KCNH1: variants seen among roughly 807,000 people sequenced by gnomAD.
The protein encoded by KCNH1 is potassium voltage-gated channel subfamily H member 1.
A neutral mutation model predicts 69.2 loss-of-function variants in KCNH1; 27 were observed. The ratio of observed to expected loss-of-function variants is 0.39; its 90% CI spans 0.29 to 0.54. The LOEUF (loss-of-function observed/expected upper bound fraction) is 0.54, where lower values mean the gene tolerates loss of function less well. Among genes scored for constraint, KCNH1 ranks in the 20% least tolerant of loss-of-function variants. The pLI is 0.68. For missense variants in KCNH1, 798 were observed against 1,261.6 expected (o/e 0.63, Z 5.57); for synonymous variants, 456 against 487.7 (o/e 0.93, Z 0.86).
chr1:210,698,835 G>C (rs12741206), intron 10 of KCNH1, among the ~76,000 whole-genome samples: 5,977 of 152,322 alleles, frequency 0.039, 188 homozygotes, highest in Middle Eastern at 0.065. Context: ...TCTGCCACCA[G>C]AGCCTGAGGG....
At chr1:211,078,553 A>T (rs996513311) in intron 5 of KCNH1, among the ~76,000 whole-genome samples, 1 of 152,210 alleles carries the variant, frequency 6.6e-6, no homozygotes, top group Non-Finnish European at 1.5e-5. Context: ...AGAAATAAAG[A>T]TGTTCTTTGA....
intron 6 of KCNH1, among the ~76,000 whole-genome samples, chr1:210,981,675 T>C (rs1688713015): frequency 6.6e-6 from 1 of 152,194 alleles, no homozygotes; most frequent in South Asian, 2.1e-4. Flanking sequence ...CCATCTGTAC[T>C]GTCAAATGAA....
intron 7 of KCNH1, among the ~76,000 whole-genome samples, chr1:210,832,674 G>A (rs985473281): frequency 6.6e-6 from 1 of 151,992 alleles, no homozygotes; most frequent in Admixed American, 6.6e-5. Context: ...TTCTTTCAGA[G>A]ATCACAAATG....
At chr1:210,891,916 C>A (rs1390832424) in intron 7 of KCNH1, among the ~76,000 whole-genome samples, 1 of 152,094 alleles carries the variant, frequency 6.6e-6, no homozygotes. Flanking sequence ...TTTGCAGGGA[C>A]AGGGATGAAG....
At chr1:211,049,019 A>G (rs1690143964) in intron 5 of KCNH1, among the ~76,000 whole-genome samples, 1 of 152,140 alleles carries the variant, frequency 6.6e-6, no homozygotes, top group Non-Finnish European at 1.5e-5. Context: ...GGAGACTGAT[A>G]AAGTTCATTT....
At chr1:211,097,024 GGA>G (rs1292193936) in intron 3 of KCNH1, among the ~76,000 whole-genome samples, 2 of 152,088 alleles carry the variant, frequency 1.3e-5, no homozygotes, top group Non-Finnish European at 2.9e-5. Flanking sequence ...TCAAATGTGG[GGA>G]ACCCAAGTAG....
At chr1:210,773,305 G>T (rs1411097011) in intron 10 of KCNH1, among the ~76,000 whole-genome samples, 1 of 152,162 alleles carries the variant, frequency 6.6e-6, no homozygotes, top group African/African-American at 2.4e-5. Flanking sequence ...AAACCATCTT[G>T]CCACAATCTT....
chr1:211,106,647 T>A (rs1199335206), intron 2 of KCNH1, among the ~76,000 whole-genome samples: 2 of 82,676 alleles, frequency 2.4e-5, no homozygotes, highest in Admixed American at 1.2e-4. Context: ...AAAAAAAAAT[T>A]AGCCAGGTGT....
intron 7 of KCNH1, among the ~76,000 whole-genome samples, chr1:210,854,554 C>A (rs1250583909): frequency 6.6e-6 from 1 of 152,160 alleles, no homozygotes; most frequent in Non-Finnish European, 1.5e-5. Context: ...GAGCTTATGT[C>A]TGAAAGGTCT....
Position 210,683,490 on chromosome 1 carries a change from T to G in KCNH1, c.2761A>C (p.Thr921Pro). Residue 921 changes from threonine (T) to proline (P), a missense_variant, in exon 11 of 11, where the codon ACG becomes CCG. This residue lies in a region of KCNH1 where 331 missense variants were observed against 363.2 expected (regional missense o/e 0.91). Coordinates refer to ENST00000271751, the MANE Select transcript of KCNH1 (RefSeq NM_172362.3). This position sits in a 1 kb window ranked among gnomAD's most constrained non-coding sequence, Gnocchi z 5.7. ...ACCTCCAGGACTGTGGCCTGCAGCG[T>G]CTGCTCAGGGATGGGGTAGAACGAA... ...KHSFYPIPEQ[T>P]LQATVLEVRH... 1 of 1,614,158 alleles carries G rather than the reference T, an allele frequency of 6.2e-7. No individual in the cohort carries two copies. The highest frequency in any genetic ancestry group is 1.3e-5 in the African/African-American group (1 of 75,052).
intron 5 of KCNH1, among the ~76,000 whole-genome samples, chr1:211,049,410 G>A (rs1156849629): frequency 6.6e-6 from 1 of 152,200 alleles, no homozygotes; most frequent in Non-Finnish European, 1.5e-5. Context: ...CAAAAGCTCA[G>A]ATGTGTAAAG....
At chr1:210,942,867 C>T (rs1350209957) in intron 6 of KCNH1, among the ~76,000 whole-genome samples, 1 of 152,062 alleles carries the variant, frequency 6.6e-6, no homozygotes, top group Non-Finnish European at 1.5e-5. Flanking sequence ...AGATCTAGCA[C>T]TTCTTTGACT....
intron 1 of KCNH1, among the ~76,000 whole-genome samples, chr1:211,119,956 G>A (rs1291363596): frequency 6.6e-6 from 1 of 152,044 alleles, no homozygotes; most frequent in Non-Finnish European, 1.5e-5. Context: ...TCTTCATTCA[G>A]CATCAAATTA....
At chr1:210,859,475 C>G in intron 7 of KCNH1, 1 of 1,608,750 alleles carries the variant, frequency 6.2e-7, no homozygotes, top group Non-Finnish European at 8.5e-7. Context: ...AGAGCAGTCT[C>G]TTCAGCATCA....
chr1:211,015,002 A>T (rs1049284849), intron 6 of KCNH1, among the ~76,000 whole-genome samples: 1 of 149,660 alleles, frequency 6.7e-6, no homozygotes, highest in African/African-American at 2.5e-5. Context: ...GCTCTCCAAC[A>T]TCCTGTAACA....
chr1:210,712,536 T>C (rs191470580), intron 10 of KCNH1, among the ~76,000 whole-genome samples: 31 of 152,340 alleles, frequency 2.0e-4, no homozygotes, highest in Admixed American at 1.6e-3. Flanking sequence ...ATCTGTTCTT[T>C]CCAGCATGAA....
At chr1:211,017,597 T>C (rs1335756520) in intron 6 of KCNH1, among the ~76,000 whole-genome samples, 1 of 152,132 alleles carries the variant, frequency 6.6e-6, no homozygotes, top group Non-Finnish European at 1.5e-5. Context: ...ACAATTCCCA[T>C]AGAACACAAA....
At chr1:210,923,695 C>G (rs1049772836) in intron 6 of KCNH1, among the ~76,000 whole-genome samples, 1 of 152,222 alleles carries the variant, frequency 6.6e-6, no homozygotes, top group Non-Finnish European at 1.5e-5. Flanking sequence ...TATTCTATAT[C>G]CATTATCACT....
chr1:210,808,227 G>A (rs149129544), intron 7 of KCNH1, among the ~76,000 whole-genome samples: 1 of 152,288 alleles, frequency 6.6e-6, no homozygotes, highest in East Asian at 1.9e-4. Context: ...GGAGTCACAG[G>A]AAAAGAGTAG....
Sources: allele counts gnomAD v4.1 joint callset (sites outside exome capture counted in the v4.1 genomes callset), GRCh38; gene constraint gnomAD v4.1.1; regional missense constraint gnomAD v4.1.1; non-coding constraint Gnocchi (gnomAD v3.1); transcripts MANE v1.5; gene names NCBI Gene and HGNC (gene_info 2026-07-23, HGNC 2026-07-21).